Variants in ABT1 observed in about 807,000 individuals in gnomAD.
The protein encoded by ABT1 is TATA-binding protein-binding protein.
In ABT1, 13 loss-of-function variants were observed where a neutral mutation model predicts 14.0. That is an observed-to-expected ratio of 0.93 (90% CI 0.61 to 1.48). The LOEUF (loss-of-function observed/expected upper bound fraction) is 1.48, where lower values mean the gene tolerates loss of function less well. Ranked by LOEUF, ABT1 falls within the 40% of genes most tolerant of loss-of-function variation. ABT1 has a pLI of 0.00. For missense variants in ABT1, 430 were observed against 380.0 expected (o/e 1.13, Z -1.09); for synonymous variants, 165 against 144.6 (o/e 1.14, Z -1.01).
chr6:26,597,297 T>C (rs1764915271), intron 1 of ABT1, 74 bp downstream of exon 1: 2 of 1,565,680 alleles, frequency 1.3e-6, no homozygotes, highest in Non-Finnish European at 1.7e-6. Context: ...GCATGTCCTG[T>C]TGCTTCGCTG....
In ABT1 at chr6:26,598,126, T is replaced by C; in HGVS notation, c.438+16T>C. Reference sequence around the variant, plus strand: ...GAACCTCAAGGTGAGAAGATAGATCTTTCTGCCACACCTCTCACCCTCCCT... The same window carrying C: ...GAACCTCAAGGTGAGAAGATAGATCCTTCTGCCACACCTCTCACCCTCCCT... On this transcript the variant is annotated intron_variant, in intron 2 of 2. Coordinates refer to ENST00000274849, the MANE Select transcript of ABT1 (RefSeq NM_013375.4). 6.3e-7 allele frequency: 1 copy of C among 1,597,606 alleles called. No individual in the cohort carries two copies.
chr6:26,598,898 A>C lies in ABT1; in HGVS notation c.*253A>C. 2 of 388,066 alleles carry C rather than the reference A, an allele frequency of 5.2e-6. No homozygotes were observed. The highest frequency in any genetic ancestry group is 9.0e-6 in the Non-Finnish European group (2 of 222,738). The allele number at this position is 388,066 out of a possible 1,614,324, so 24.0% of individuals were successfully genotyped here. On this transcript the variant is annotated 3_prime_UTR_variant, in exon 3 of 3. Coordinates refer to ENST00000274849, the MANE Select transcript of ABT1 (RefSeq NM_013375.4). Reference sequence around the variant, plus strand: ...CTATTGCATATGCTTGTTTTGTTTGACTCTTGGCTGCCTACGTCTGTAGGG... The same window carrying C: ...CTATTGCATATGCTTGTTTTGTTTGCCTCTTGGCTGCCTACGTCTGTAGGG...
At position 26,597,036 on chromosome 6, in the gene ABT1, G is replaced by A. The variant is rs978132300; in HGVS notation, c.54G>A (p.Gly18=). The A allele has an allele frequency of 1.4e-5, 22 of 1,613,640 alleles. No homozygotes were observed. The highest frequency in any genetic ancestry group is 1.7e-5 in the Non-Finnish European group (20 of 1,179,998). The change falls in exon 1 of 3, where the codon GGG becomes GGA. Residue 18 remains glycine, a synonymous_variant. Coordinates refer to ENST00000274849, the MANE Select transcript of ABT1 (RefSeq NM_013375.4). ...CAACGGAGCAAGAGCCGCTGGAAGG[G>A]ACAGAACAGACACTAGATGCGGAGG... ...KAATEQEPLE[G]TEQTLDAEEE...
In ABT1 at chr6:26,599,000, A is replaced by G. The variant is rs529249489; in HGVS notation, c.*355A>G. On this transcript the variant is annotated 3_prime_UTR_variant, in exon 3 of 3. Coordinates refer to ENST00000274849, the MANE Select transcript of ABT1 (RefSeq NM_013375.4). Reference sequence around the variant, plus strand: ...AGGAGGATAATGCCTAGTCCAGGCAATCTTTCTCTGTTTAGCAGTCACAGG... The same window carrying G: ...AGGAGGATAATGCCTAGTCCAGGCAGTCTTTCTCTGTTTAGCAGTCACAGG... 1.5e-4 allele frequency: 30 copies of G among 197,378 alleles called. No homozygotes were observed. Among genetic ancestry groups the G allele is most frequent in the South Asian group, 4.9e-4 (3 of 6,144 alleles). The allele number at this position is 197,378 out of a possible 1,614,324, so 12.2% of individuals were successfully genotyped here. A position where few individuals can be genotyped will look rare whatever the true frequency, so the allele number is the denominator to read the frequency against.
Position 26,598,298 on chromosome 6 carries a change from G to C in ABT1, c.472G>C (p.Glu158Gln), listed in dbSNP as rs782446409. Residue 158 changes from glutamate to glutamine, a missense_variant, in exon 3 of 3, where the codon GAG becomes CAG. By Grantham distance (29) the Glu-to-Gln change is conservative. Coordinates refer to ENST00000274849, the MANE Select transcript of ABT1 (RefSeq NM_013375.4). ...LHRFTWSHLS[E>Q]HLAFERQVRR... ...CCGTTTCACCTGGTCCCACCTCAGC[G>C]AGCACCTCGCCTTTGAGCGCCAGGT... is the stretch of plus-strand genomic sequence containing the variant. 6.2e-7 allele frequency: 1 copy of C among 1,613,898 alleles called. No individual in the cohort carries two copies. The highest frequency in any genetic ancestry group is 1.7e-5 in the Admixed American group (1 of 60,010).
rs782597707 is a variant in ABT1, at chr6:26,598,645, A to G, written c.819A>G (p.Ter273TrpextTer22). 3 of 1,547,680 alleles carry G rather than the reference A, an allele frequency of 1.9e-6. No individual in the cohort carries two copies. The Admixed American group carries it at 5.7e-5, about 29-fold the overall frequency. ...MEGPSLVRDS[*>W] ...GACCTTCCCTTGTCAGGGACTCCTGAGGGCCTGGGTGGCCCCTTCCATTTC... is the reference window on the plus strand; with the variant it reads ...GACCTTCCCTTGTCAGGGACTCCTGGGGGCCTGGGTGGCCCCTTCCATTTC... The change falls in exon 3 of 3, where the codon TGA becomes TGG. Residue 273 changes from the stop codon to tryptophan (W), a stop_lost. Coordinates refer to ENST00000274849, the MANE Select transcript of ABT1 (RefSeq NM_013375.4).
In ABT1 at chr6:26,598,010, G is replaced by C. The variant is rs1554144704; in HGVS notation, c.338G>C (p.Arg113Pro). Residue 113 changes from arginine to proline, a missense_variant, in exon 2 of 3, where the codon CGT (arginine) becomes CCT (proline). Arg to Pro is a moderately radical substitution (Grantham distance 103, BLOSUM62 -2). Coordinates refer to ENST00000274849, the MANE Select transcript of ABT1 (RefSeq NM_013375.4). ...KDYTEGWVEF[R>P]DKRIAKRVAA... ...TACACCGAGGGATGGGTGGAGTTCC[G>C]TGACAAGCGCATAGCCAAGCGCGTG... The C allele has an allele frequency of 6.2e-7, 1 of 1,614,222 alleles. No homozygotes were observed. The highest frequency in any genetic ancestry group is 8.5e-7 in the Non-Finnish European group (1 of 1,180,046).
Position 26,600,445 on chromosome 6 carries a change from G to A in ABT1, c.*1800G>A, listed in dbSNP as rs1440084646. 1 of 152,196 alleles carries A rather than the reference G, an allele frequency of 6.6e-6. No individual in the cohort carries two copies. Among genetic ancestry groups the A allele is most frequent in the African/African-American group, 2.4e-5 (1 of 41,434 alleles). 9.4% of individuals were successfully genotyped at this position (152,196 alleles called of 1,614,324 possible). A position where few individuals can be genotyped will look rare whatever the true frequency, so the allele number is the denominator to read the frequency against. On this transcript the variant is annotated 3_prime_UTR_variant, in exon 3 of 3. Transcript: ENST00000274849. ...GCGTTAGATAACAGTATGTTCAAGG[G>A]CTGGTATTTCAGGGTCCATCTCCAA...
intron 2 of ABT1, 77 bp downstream of exon 2, chr6:26,598,187 C>T: frequency 2.5e-6 from 4 of 1,573,914 alleles, no homozygotes; most frequent in Non-Finnish European, 3.5e-6. Context: ...CCCATGGCCT[C>T]TCATTGGCCT....
rs782082481 is a variant in ABT1, at chr6:26,598,036, G to A, written c.364G>A (p.Ala122Thr). 1 of 1,614,222 alleles carries A rather than the reference G, an allele frequency of 6.2e-7. No individual in the cohort carries two copies. Among genetic ancestry groups the A allele is most frequent in the East Asian group, 2.2e-5 (1 of 44,878 alleles). The change falls in exon 2 of 3, where the codon GCG (alanine) becomes ACG (threonine). Residue 122 changes from alanine (A) to threonine (T), a missense_variant. By Grantham distance (58) the Ala-to-Thr change is moderately conservative (BLOSUM62 0). Coordinates refer to ENST00000274849, the MANE Select transcript of ABT1 (RefSeq NM_013375.4). The stretch of plus-strand genomic sequence containing the variant: ...TGACAAGCGCATAGCCAAGCGCGTG[G>A]CGGCCAGTCTACACAACACGCCTAT... ...FRDKRIAKRV[A>T]ASLHNTPMGA... is the part of the protein sequence containing the mutation.
chr6:26,598,104 C>G lies in ABT1; in HGVS notation c.432C>G (p.Asn144Lys). ...GCCCCTTCCGTTATGATCTTTGGAA[C>G]CTCAAGGTGAGAAGATAGATCTTTC... ...RRSPFRYDLW[N>K]LKYLHRFTWS... The change falls in exon 2 of 3, where the codon AAC becomes AAG. Residue 144 changes from asparagine to lysine, a missense_variant. Asn to Lys is a moderately conservative substitution (Grantham distance 94). Coordinates refer to ENST00000274849, the MANE Select transcript of ABT1 (RefSeq NM_013375.4). 6.2e-7 allele frequency: 1 copy of G among 1,607,512 alleles called. No homozygotes were observed. Among genetic ancestry groups the G allele is most frequent in the East Asian group, 2.2e-5 (1 of 44,696 alleles).
Position 26,597,928 on chromosome 6 carries a change from C to A in ABT1, c.256C>A (p.Arg86Ser). ...TTGGCGCGCAGACCGGTTCGTGAGA[C>A]GCAAGAAGAAGGCAGCAGCAGCTGC... is the stretch of plus-strand genomic sequence containing the variant. The part of the protein sequence containing the change: ...FFQAEDRFVR[R>S]KKKAAAAAGG... The change falls in exon 2 of 3, where the codon CGC becomes AGC. Residue 86 changes from arginine to serine, a missense_variant. Arg to Ser is a moderately radical substitution (Grantham distance 110). Coordinates refer to ENST00000274849, the MANE Select transcript of ABT1 (RefSeq NM_013375.4). The A allele has an allele frequency of 6.2e-7, 1 of 1,612,286 alleles. No individual in the cohort carries two copies.
rs1554144852 is a variant in ABT1, at chr6:26,598,649, C to T, written c.*4C>T. 9.1e-6 allele frequency: 14 copies of T among 1,530,848 alleles called. No homozygotes were observed. Among genetic ancestry groups the T allele is most frequent in the Non-Finnish European group, 1.2e-5 (14 of 1,139,076 alleles). 94.8% of individuals were successfully genotyped at this position (1,530,848 alleles called of 1,614,324 possible). A position where few individuals can be genotyped will look rare whatever the true frequency, so the allele number is the denominator to read the frequency against. ...TTCCCTTGTCAGGGACTCCTGAGGGCCTGGGTGGCCCCTTCCATTTCCTGG... is the reference window on the plus strand; with the variant it reads ...TTCCCTTGTCAGGGACTCCTGAGGGTCTGGGTGGCCCCTTCCATTTCCTGG... On this transcript the variant is annotated 3_prime_UTR_variant, in exon 3 of 3. Transcript: ENST00000274849.
Position 26,598,905 on chromosome 6 carries a change from G to T in ABT1, c.*260G>T, listed in dbSNP as rs1293507454. 2 of 372,602 alleles carry T rather than the reference G, an allele frequency of 5.4e-6. No homozygotes were observed. Among genetic ancestry groups the T allele is most frequent in the Non-Finnish European group, 9.5e-6 (2 of 210,556 alleles). The allele number at this position is 372,602 out of a possible 1,614,324, so 23.1% of individuals were successfully genotyped here. On this transcript the variant is annotated 3_prime_UTR_variant, in exon 3 of 3. Coordinates refer to ENST00000274849, the MANE Select transcript of ABT1 (RefSeq NM_013375.4). ...ATATGCTTGTTTTGTTTGACTCTTG[G>T]CTGCCTACGTCTGTAGGGTCCCCTG...
Position 26,597,217 on chromosome 6 carries a change from G to T in ABT1, c.235G>T (p.Ala79Ser). 1 of 1,614,066 alleles carries T rather than the reference G, an allele frequency of 6.2e-7. No homozygotes were observed. Residue 79 changes from alanine to serine, a missense_variant, in exon 1 of 3, where the codon GCT (alanine) becomes TCT (serine). Transcript: ENST00000274849. ...CGAGGTCGGACGCGTCTTCTTTCAG[G>T]CTGAGGGTAAGTATGCAGGCCCTGA... ...YGEVGRVFFQ[A>S]EDRFVRRKKK...
At position 26,598,333 on chromosome 6, in the gene ABT1, G is replaced by A. The variant is rs781989918; in HGVS notation, c.507G>A (p.Gln169=). 4 of 1,614,264 alleles carry A rather than the reference G, an allele frequency of 2.5e-6. No individual in the cohort carries two copies. The highest frequency in any genetic ancestry group is 3.4e-6 in the Non-Finnish European group (4 of 1,180,048). Residue 169 remains glutamine, a synonymous_variant, in exon 3 of 3, where the codon CAG becomes CAA. Transcript: ENST00000274849. ...CCTTTGAGCGCCAGGTGCGCAGGCA[G>A]CGCTTGAGAGCGGAGGTTGCTCAAG... is the stretch of plus-strand genomic sequence containing the variant. The part of the protein sequence containing the change: ...HLAFERQVRR[Q]RLRAEVAQAK...
At position 26,598,842 on chromosome 6, in the gene ABT1, A is replaced by G. The variant is rs1164151758; in HGVS notation, c.*197A>G. On this transcript the variant is annotated 3_prime_UTR_variant, in exon 3 of 3. Transcript: ENST00000274849. ...CTGTATGTGCCTGGCTGAGTCACCTAATTCATACTGTCATACTAGCATAAT... is the reference window on the plus strand; with the variant it reads ...CTGTATGTGCCTGGCTGAGTCACCTGATTCATACTGTCATACTAGCATAAT... 1 of 589,270 alleles carries G rather than the reference A, an allele frequency of 1.7e-6. No individual in the cohort carries two copies. The highest frequency in any genetic ancestry group is 3.3e-5 in the Admixed American group (1 of 29,992). The allele number at this position is 589,270 out of a possible 1,614,324, so 36.5% of individuals were successfully genotyped here.
At position 26,598,120 on chromosome 6, in the gene ABT1, T is replaced by G; in HGVS notation, c.438+10T>G. On this transcript the variant is annotated intron_variant, in intron 2 of 2. Coordinates refer to ENST00000274849, the MANE Select transcript of ABT1 (RefSeq NM_013375.4). ...TCTTTGGAACCTCAAGGTGAGAAGATAGATCTTTCTGCCACACCTCTCACC... is the reference window on the plus strand; with the variant it reads ...TCTTTGGAACCTCAAGGTGAGAAGAGAGATCTTTCTGCCACACCTCTCACC... 4 of 1,599,586 alleles carry G rather than the reference T, an allele frequency of 2.5e-6. No homozygotes were observed. Among genetic ancestry groups the G allele is most frequent in the Non-Finnish European group, 3.4e-6 (4 of 1,169,004 alleles).
At chr6:26,597,289 A>G in intron 1 of ABT1, 66 bp downstream of exon 1, 1 of 1,556,524 alleles carries the variant, frequency 6.4e-7, no homozygotes, top group Non-Finnish European at 8.7e-7. Flanking sequence ...GCAAGCATGC[A>G]TGTCCTGTTG....
Sources: gnomAD v4.1 joint callset for allele counts on GRCh38, gnomAD v4.1.1 for gene constraint, MANE v1.5 for transcripts, NCBI Gene and HGNC (gene_info 2026-07-23, HGNC 2026-07-21) for gene names.